Variants in MARCHF10 observed in about 807,000 individuals in gnomAD.
MARCHF10 encodes the protein probable E3 ubiquitin-protein ligase MARCHF10.
MARCHF10 carries 64 observed loss-of-function variants against 76.2 expected under a neutral mutation model. That is an observed-to-expected ratio of 0.84 (90% CI 0.69 to 1.03). The LOEUF (loss-of-function observed/expected upper bound fraction) is 1.03. Ranked by LOEUF, MARCHF10 falls within the 50% of genes least tolerant of loss-of-function variation. The pLI is 0.00. For synonymous variants in MARCHF10, 340 were observed against 357.5 expected, an observed-to-expected ratio of 0.95 and a Z score of 0.55; for missense variants, 875 against 958.0, an observed-to-expected ratio of 0.91 and a Z score of 1.14.
intron 9 of MARCHF10, among the ~76,000 whole-genome samples, chr17:62,708,573 T>G (rs2089734831): frequency 6.6e-6 from 1 of 152,202 alleles, no homozygotes; most frequent in Non-Finnish European, 1.5e-5. Context: ...AGTAGTTGAC[T>G]GTGCATCAGA....
At chr17:62,758,769 G>C (rs1289611996) in intron 4 of MARCHF10, among the ~76,000 whole-genome samples, 1 of 152,252 alleles carries the variant, frequency 6.6e-6, no homozygotes. Context: ...TTGGAAAGTA[G>C]CTGTGATTTG....
Position 62,701,361 on chromosome 17 carries a change from T to G in MARCHF10, c.*342A>C. The G allele has an allele frequency of 5.3e-6, 2 of 378,178 alleles. No homozygotes were observed. Among genetic ancestry groups the G allele is most frequent in the Non-Finnish European group, 4.9e-6 (1 of 203,164 alleles). The allele number at this position is 378,178 out of a possible 1,614,324, so 23.4% of individuals were successfully genotyped here. A position where few individuals can be genotyped will look rare whatever the true frequency, so the allele number is the denominator to read the frequency against. On this transcript the variant is annotated 3_prime_UTR_variant, in exon 11 of 11. Transcript: ENST00000311269. The stretch of plus-strand genomic sequence containing the variant: ...TGAATGAATACATGGCTCGAGTCCA[T>G]TCAGGGTGGAGTGAGGCCTGGCAGG...
chr17:62,727,151 C>T (rs1362941659), intron 6 of MARCHF10, among the ~76,000 whole-genome samples: 1 of 152,186 alleles, frequency 6.6e-6, no homozygotes, highest in African/African-American at 2.4e-5. Context: ...CTGATCTCAA[C>T]AGGAGGACGA....
At chr17:62,718,747 C>T (rs1033013083) in intron 8 of MARCHF10, among the ~76,000 whole-genome samples, 1 of 152,182 alleles carries the variant, frequency 6.6e-6, no homozygotes, top group African/African-American at 2.4e-5. Flanking sequence ...CGTCTCAGAT[C>T]TTAGTGCCTG....
chr17:62,771,357 G>A (rs1403204147), intron 3 of MARCHF10, among the ~76,000 whole-genome samples: 2 of 151,862 alleles, frequency 1.3e-5, no homozygotes, highest in Admixed American at 6.6e-5. Context: ...GGTGAGTGCT[G>A]CAAGGGGAGG....
At chr17:62,771,300 T>G (rs1490593719) in intron 3 of MARCHF10, among the ~76,000 whole-genome samples, 1 of 151,922 alleles carries the variant, frequency 6.6e-6, no homozygotes, top group East Asian at 1.9e-4. Context: ...GAGAGAGACC[T>G]CCCTATGGAA....
In MARCHF10 at chr17:62,722,714, T is replaced by G. The variant is rs537396020; in HGVS notation, c.2105-117A>C. 35 of 758,512 alleles carry G rather than the reference T, an allele frequency of 4.6e-5. 1 individual carries two copies. The highest frequency in any genetic ancestry group is 6.0e-5 in the Non-Finnish European group (30 of 495,988). The allele number at this position is 758,512 out of a possible 1,614,324, so 47.0% of individuals were successfully genotyped here. The stretch of plus-strand genomic sequence containing the variant: ...GTGTGTTATGAATTCTGAGCTTCAG[T>G]GACCTTCCTTTAAAGCCAGCCATCT... On this transcript the variant is annotated intron_variant, in intron 7 of 10. Coordinates refer to ENST00000311269, the MANE Select transcript of MARCHF10 (RefSeq NM_152598.4).
chr17:62,744,321 G>A (rs2091623866), intron 5 of MARCHF10, 55 bp downstream of exon 5: 1 of 1,560,774 alleles, frequency 6.4e-7, no homozygotes, highest in Admixed American at 2.0e-5. Flanking sequence ...CCGGGTAACA[G>A]CAAAAATCAG....
Position 62,701,690 on chromosome 17 carries a change from G to C in MARCHF10, c.*13C>G. On this transcript the variant is annotated 3_prime_UTR_variant, in exon 11 of 11. Coordinates refer to ENST00000311269, the MANE Select transcript of MARCHF10 (RefSeq NM_152598.4). ...GGAGAGGTCTCCGCCGAGCTCCACA[G>C]TTGGCTTCCTTGCTAGACGACCTGG... 6.2e-7 allele frequency: 1 copy of C among 1,614,072 alleles called. No individual in the cohort carries two copies. Among genetic ancestry groups the C allele is most frequent in the Non-Finnish European group, 8.5e-7 (1 of 1,180,036 alleles).
intron 3 of MARCHF10, among the ~76,000 whole-genome samples, chr17:62,777,180 C>T (rs926934370): frequency 4.6e-5 from 7 of 152,172 alleles, no homozygotes; most frequent in Admixed American, 2.0e-4. Flanking sequence ...TTGATAGGTG[C>T]ACATTCCTAA....
chr17:62,796,664 T>A (rs2092990633), intron 2 of MARCHF10, among the ~76,000 whole-genome samples: 1 of 152,124 alleles, frequency 6.6e-6, no homozygotes, highest in Non-Finnish European at 1.5e-5. Flanking sequence ...CCTTAAGAAG[T>A]CGTGGTCCAG....
chr17:62,804,007 G>T (rs1310026261), intron 1 of MARCHF10, among the ~76,000 whole-genome samples: 1 of 152,230 alleles, frequency 6.6e-6, no homozygotes, highest in Admixed American at 6.5e-5. Flanking sequence ...GGGAAGAGTC[G>T]GGATGTGAAC....
intron 8 of MARCHF10, chr17:62,714,446 G>C: frequency 2.0e-6 from 2 of 984,020 alleles, no homozygotes; most frequent in Non-Finnish European, 2.4e-6. Context: ...CAAGAGACAA[G>C]ATTTAAAGAC....
chr17:62,723,558 A>AATTTTTTTTTTTTTT, intron 7 of MARCHF10, among the ~76,000 whole-genome samples: 1 of 62,378 alleles, frequency 1.6e-5, no homozygotes, highest in African/African-American at 1.3e-4. Context: ...TGTTCGCTTG[A>AATTTTTTTTTTTTTT]CTTTTTTTTT....
intron 4 of MARCHF10, chr17:62,746,871 A>G (rs1477599179): frequency 2.0e-6 from 3 of 1,535,138 alleles, no homozygotes; most frequent in Non-Finnish European, 2.6e-6. Context: ...TCACCTTCAC[A>G]GGGAGGGATG....
intron 2 of MARCHF10, among the ~76,000 whole-genome samples, chr17:62,793,306 T>C (rs894791108): frequency 1.1e-3 from 75 of 68,248 alleles, no homozygotes; most frequent in Middle Eastern, 0.014. Flanking sequence ...ACCACCTCCA[T>C]CACCACCACC....
At chr17:62,772,894 C>T (rs978901094) in intron 3 of MARCHF10, among the ~76,000 whole-genome samples, 59 of 152,256 alleles carry the variant, frequency 3.9e-4, no homozygotes, top group African/African-American at 1.3e-3. Context: ...ACACCCATCG[C>T]TTGTTATTTA....
rs568844182 is a variant in MARCHF10 at position 62,702,980 on chromosome 17, A to G, written c.2372-1222T>C. Among the ~76,000 whole-genome samples the G allele has an allele frequency of 9.2e-5, 14 of 152,136 alleles. No homozygotes were observed. The East Asian group carries it at 2.3e-3, about 25-fold the overall frequency. ...ATCTGTTTGCATATCTGCAGGAGGT[A>G]TTGCCCCCACTACCGACCCACCACC... On this transcript the variant is annotated intron_variant, in intron 10 of 10. Transcript: ENST00000311269.
chr17:62,728,343 A>G (rs9891305), intron 6 of MARCHF10, among the ~76,000 whole-genome samples: 57,249 of 151,768 alleles, frequency 0.38, 10,811 homozygotes, highest in Non-Finnish European at 0.4. Flanking sequence ...AAGTTTTTCA[A>G]AAAGTTCACG....
Sources: gnomAD v4.1 joint callset for allele counts (sites outside exome capture counted in the v4.1 genomes callset) on GRCh38, gnomAD v4.1.1 for gene constraint, MANE v1.5 for transcripts, NCBI Gene and HGNC (gene_info 2026-07-23, HGNC 2026-07-21) for gene names.